The following IFNAR2 variants were observed in gnomAD, a reference collection of about 807,000 sequenced individuals.
The protein encoded by IFNAR2 is interferon alpha and beta receptor subunit 2.
In IFNAR2, 30 loss-of-function variants were observed where a neutral mutation model predicts 49.4. That is an observed-to-expected ratio of 0.61 (90% CI 0.45 to 0.82). The LOEUF (loss-of-function observed/expected upper bound fraction) is 0.82. Among genes scored for constraint, IFNAR2 ranks in the 40% least tolerant of loss-of-function variants. The pLI is 0.00. For missense variants in IFNAR2, 600 were observed against 622.7 expected (o/e 0.96, Z 0.39); for synonymous variants, 224 against 234.5 (o/e 0.96, Z 0.41).
chr21:33,234,656 G>T (rs1986312794), intron 1 of IFNAR2: 1 of 724,370 alleles, frequency 1.4e-6, no homozygotes, highest in Non-Finnish European at 1.7e-6. Context: ...TCTGGGCCTT[G>T]AAAATTGGCA....
rs144384060 is a variant in IFNAR2 at position 33,263,128 on chromosome 21, T to C, written c.1176T>C (p.Ser392=). 1 of 1,614,144 alleles carries C rather than the reference T, an allele frequency of 6.2e-7. No individual in the cohort carries two copies. The highest frequency in any genetic ancestry group is 8.5e-7 in the Non-Finnish European group (1 of 1,180,010). ...GCCCTCAGCAGTTGGAACTCTTGAG[T>C]GGGCCCTGTGAGAGGAGAAAGAGTC... is the stretch of plus-strand genomic sequence containing the variant. ...KDSPQQLELL[S]GPCERRKSPL... Residue 392 remains serine, a synonymous_variant, in exon 9 of 9, where the codon AGT becomes AGC. Coordinates refer to ENST00000342136, the MANE Select transcript of IFNAR2 (RefSeq NM_001289125.3).
At chr21:33,260,502 A>C in intron 7 of IFNAR2, 95 bp from the exon 8 acceptor site, 2 of 1,170,600 alleles carry the variant, frequency 1.7e-6, no homozygotes, top group Admixed American at 2.9e-5. Context: ...TGGTTTCTTG[A>C]TCATCTTGTA....
chr21:33,236,584 A>C (rs1287558668), intron 1 of IFNAR2, among the ~76,000 whole-genome samples: 1 of 152,166 alleles, frequency 6.6e-6, no homozygotes, highest in Non-Finnish European at 1.5e-5. Flanking sequence ...CTGCACCAGG[A>C]GGGCTTCAGC....
chr21:33,250,561 G>A (rs1230796576), intron 6 of IFNAR2, among the ~76,000 whole-genome samples: 1 of 152,162 alleles, frequency 6.6e-6, no homozygotes, highest in Non-Finnish European at 1.5e-5. Context: ...TTTTGAGATG[G>A]AGTTTTGCTC....
chr21:33,238,766 C>A (rs1986681985), intron 1 of IFNAR2, among the ~76,000 whole-genome samples: 1 of 120,306 alleles, frequency 8.3e-6, no homozygotes, highest in Admixed American at 8.9e-5. Flanking sequence ...CACAGTTTCC[C>A]TTCTACTTAA....
intron 6 of IFNAR2, among the ~76,000 whole-genome samples, chr21:33,250,511 C>A (rs761378980): frequency 6.7e-4 from 102 of 152,162 alleles, no homozygotes; most frequent in Non-Finnish European, 3.4e-4. Context: ...TAGTGAGAGG[C>A]CATCAAATTC....
intron 1 of IFNAR2, among the ~76,000 whole-genome samples, chr21:33,241,057 G>A (rs1042437522): frequency 1.3e-5 from 2 of 152,076 alleles, no homozygotes; most frequent in African/African-American, 4.8e-5. Context: ...GATTGGGTGT[G>A]GGGAGTTAAG....
chr21:33,235,510 C>A (rs1165212321), intron 1 of IFNAR2, among the ~76,000 whole-genome samples: 1 of 152,152 alleles, frequency 6.6e-6, no homozygotes, highest in Non-Finnish European at 1.5e-5. Flanking sequence ...AGGGCCCACC[C>A]AGAGCCAAAT....
At chr21:33,240,287 C>T (rs1986825062) in intron 1 of IFNAR2, among the ~76,000 whole-genome samples, 1 of 152,214 alleles carries the variant, frequency 6.6e-6, no homozygotes, top group Non-Finnish European at 1.5e-5. Flanking sequence ...ACAAATGCCA[C>T]TGTGTTGCAA....
chr21:33,232,870 A>G (rs1429216673), intron 1 of IFNAR2: 2 of 380,128 alleles, frequency 5.3e-6, no homozygotes, highest in African/African-American at 4.4e-5. Flanking sequence ...TCACTCTGCC[A>G]TATCAGTAGG....
At chr21:33,247,250 C>CTT (rs1476408945) in intron 5 of IFNAR2, among the ~76,000 whole-genome samples, 8 of 83,792 alleles carry the variant, frequency 9.5e-5, no homozygotes, top group East Asian at 2.9e-4. Flanking sequence ...TTCTTTCTTT[C>CTT]TTTCTTTTTT....
At chr21:33,240,646 CA>C (rs200133930) in intron 1 of IFNAR2, among the ~76,000 whole-genome samples, 11 of 151,394 alleles carry the variant, frequency 7.3e-5, no homozygotes, top group African/African-American at 2.7e-4. Context: ...CCTATCTCTA[CA>C]AAAAAAAGGT....
chr21:33,243,088 A>ATT (rs772835653), intron 2 of IFNAR2, among the ~76,000 whole-genome samples: 16 of 127,174 alleles, frequency 1.3e-4, no homozygotes, highest in African/African-American at 2.9e-4. Context: ...GTGTCCAGCC[A>ATT]TTTTTTTTTT....
chr21:33,255,860 A>C (rs893322585), intron 7 of IFNAR2, among the ~76,000 whole-genome samples: 5 of 151,948 alleles, frequency 3.3e-5, no homozygotes, highest in African/African-American at 1.2e-4. Flanking sequence ...CTGCCCCATC[A>C]CCTCACAAGC....
At chr21:33,243,958 C>G (rs1451903682) in intron 3 of IFNAR2, among the ~76,000 whole-genome samples, 3 of 152,178 alleles carry the variant, frequency 2.0e-5, no homozygotes, top group Non-Finnish European at 2.9e-5. Context: ...AATATTCAAA[C>G]TCTTAATAAT....
intron 1 of IFNAR2, among the ~76,000 whole-genome samples, chr21:33,232,789 G>A (rs1986159431): frequency 6.6e-6 from 1 of 152,136 alleles, no homozygotes; most frequent in South Asian, 2.1e-4. Flanking sequence ...AACCTTCTGG[G>A]CTAGAGAAAT....
intron 1 of IFNAR2, chr21:33,232,957 G>A (rs1187712537): frequency 5.1e-6 from 5 of 983,604 alleles, no homozygotes; most frequent in African/African-American, 1.7e-5. Flanking sequence ...AAAGAACAAC[G>A]TGGATTGCAA....
intron 6 of IFNAR2, chr21:33,251,759 T>C (rs1402316176): frequency 9.1e-6 from 9 of 985,238 alleles, no homozygotes; most frequent in Non-Finnish European, 9.6e-6. Context: ...TGAAGTGAAA[T>C]GCAACTACAG....
chr21:33,261,194 A>G (rs1988550246), intron 8 of IFNAR2, among the ~76,000 whole-genome samples: 1 of 151,056 alleles, frequency 6.6e-6, no homozygotes, highest in Non-Finnish European at 1.5e-5. Context: ...GTGCTACCAC[A>G]CCTGGCTAAT....
Sources: gnomAD v4.1 joint callset for allele counts (sites outside exome capture counted in the v4.1 genomes callset) on GRCh38, gnomAD v4.1.1 for gene constraint, MANE v1.5 for transcripts, NCBI Gene and HGNC (gene_info 2026-07-23, HGNC 2026-07-21) for gene names.